The following ZPBP variants were observed in gnomAD, a reference collection of about 807,000 sequenced individuals.
The protein encoded by ZPBP is zona pellucida binding protein.
In ZPBP, 26 loss-of-function variants were observed where a neutral mutation model predicts 44.8. The ratio of observed to expected loss-of-function variants is 0.58; its 90% CI spans 0.43 to 0.81. The LOEUF is 0.81. ZPBP is among the 30% of genes least tolerant of loss of function. ZPBP has a pLI of 0.00. For missense variants in ZPBP, 409 were observed against 434.0 expected, an observed-to-expected ratio of 0.94 and a Z score of 0.51; for synonymous variants, 174 against 153.2, an observed-to-expected ratio of 1.14 and a Z score of -1.00.
intron 6 of ZPBP, among the ~76,000 whole-genome samples, chr7:49,987,936 T>C (rs1329822284): frequency 6.6e-6 from 1 of 152,204 alleles, no homozygotes; most frequent in East Asian, 1.9e-4. Flanking sequence ...AATGCAGATG[T>C]TGTCAAAATG....
intron 2 of ZPBP, among the ~76,000 whole-genome samples, chr7:49,881,807 T>C (rs1791676789): frequency 6.6e-6 from 1 of 152,090 alleles, no homozygotes; most frequent in Non-Finnish European, 1.5e-5. Context: ...TAATAATAAT[T>C]AAAATAATTC....
At chr7:49,920,925 T>C (rs1301380639) in intron 1 of ZPBP, 1 of 152,226 alleles carries the variant, frequency 6.6e-6, no homozygotes, top group African/African-American at 2.4e-5. Flanking sequence ...GTTGTACTTA[T>C]TACATTTATG....
chr7:49,899,193 A>G (rs923342928), intron 2 of ZPBP, among the ~76,000 whole-genome samples: 17 of 152,046 alleles, frequency 1.1e-4, no homozygotes, highest in Admixed American at 1.1e-3. Context: ...TGAACCCTAT[A>G]CATACTATGT....
At chr7:49,950,653 C>A (rs1054185425) in intron 7 of ZPBP, among the ~76,000 whole-genome samples, 2 of 151,362 alleles carry the variant, frequency 1.3e-5, no homozygotes, top group Non-Finnish European at 3.0e-5. Flanking sequence ...ATGGTATATA[C>A]CCCTACTTCA....
chr7:50,074,443 G>A (rs1253613125), intron 3 of ZPBP, among the ~76,000 whole-genome samples: 1 of 151,848 alleles, frequency 6.6e-6, no homozygotes, highest in East Asian at 1.9e-4. Context: ...AACATTAAGT[G>A]TAAATTGACT....
At chr7:49,875,385 A>AAAAAAAAAC (rs1791365246) in intron 2 of ZPBP, among the ~76,000 whole-genome samples, 2 of 149,684 alleles carry the variant, frequency 1.3e-5, no homozygotes, top group Non-Finnish European at 1.5e-5. Context: ...AAAAAAAAAA[A>AAAAAAAAAC]AAAAAAAAAA....
intron 1 of ZPBP, among the ~76,000 whole-genome samples, chr7:49,926,601 T>C (rs1794242982): frequency 6.6e-6 from 1 of 152,138 alleles, no homozygotes; most frequent in Non-Finnish European, 1.5e-5. Context: ...GGGTGGGCAG[T>C]GAATGAATCG....
chr7:49,864,507 T>A (rs987790837), intron 2 of ZPBP, among the ~76,000 whole-genome samples: 1 of 152,188 alleles, frequency 6.6e-6, no homozygotes, highest in African/African-American at 2.4e-5. Flanking sequence ...GGAAGCTCTT[T>A]CTGGGCTCTT....
chr7:50,039,777 T>C lies in ZPBP; in HGVS notation c.488-8467A>G, dbSNP rs184283381. 5.0e-3 allele frequency among the ~76,000 whole-genome samples: 768 copies of C among 152,244 alleles called. 3 individuals are homozygous for C. The highest frequency in any genetic ancestry group is 9.2e-3 in the Admixed American group (141 of 15,284). Reference sequence around the variant, plus strand: ...CTCAGCTTATTTGAAAGATACAAAATTACGTAAAATAATAACAAGGTATTG... The same window carrying C: ...CTCAGCTTATTTGAAAGATACAAAACTACGTAAAATAATAACAAGGTATTG... On this transcript the variant is annotated intron_variant, in intron 4 of 7. Coordinates refer to ENST00000046087, the MANE Select transcript of ZPBP (RefSeq NM_007009.3).
At chr7:49,937,652 T>G (rs1461026001) in intron 7 of ZPBP, 30 bp from the exon 8 acceptor site, 4 of 1,529,956 alleles carry the variant, frequency 2.6e-6, no homozygotes, top group Non-Finnish European at 3.6e-6. Context: ...TAATAAGTAG[T>G]ATTTTCCTAA....
At chr7:49,920,265 A>C (rs1793960970) in intron 1 of ZPBP, 1 of 152,198 alleles carries the variant, frequency 6.6e-6, no homozygotes, top group Non-Finnish European at 1.5e-5. Context: ...CTTAAGGAAA[A>C]AATGAAAATA....
intron 2 of ZPBP, chr7:49,901,110 G>C (rs567320313): frequency 6.6e-6 from 1 of 151,858 alleles, no homozygotes; most frequent in East Asian, 1.9e-4. Flanking sequence ...CTACAACATC[G>C]TACTTACTGT....
At chr7:49,983,205 C>G in intron 7 of ZPBP, 137 bp downstream of exon 7, 1 of 830,354 alleles carries the variant, frequency 1.2e-6, no homozygotes, top group Non-Finnish European at 1.8e-6. Context: ...ATTCACTTTT[C>G]AAATACACTA....
chr7:49,862,729 T>C (rs574296086), intron 2 of ZPBP, among the ~76,000 whole-genome samples: 1 of 152,184 alleles, frequency 6.6e-6, no homozygotes, highest in Non-Finnish European at 1.5e-5. Context: ...ACCATGAGTT[T>C]TTTTTTTTCA....
intron 6 of ZPBP, among the ~76,000 whole-genome samples, chr7:50,001,810 C>G (rs1798109433): frequency 6.6e-6 from 1 of 152,140 alleles, no homozygotes; most frequent in Admixed American, 6.6e-5. Flanking sequence ...GCCAACATGA[C>G]TATTGTTAGT....
intron 2 of ZPBP, among the ~76,000 whole-genome samples, chr7:49,893,282 G>A (rs1792222532): frequency 6.6e-6 from 1 of 152,124 alleles, no homozygotes; most frequent in South Asian, 2.1e-4. Context: ...TGTTCCCAGA[G>A]GGCTGGAAGG....
chr7:50,031,264 A>G lies in ZPBP; in HGVS notation c.534T>C (p.His178=), dbSNP rs942024743. 2 of 1,612,180 alleles carry G rather than the reference A, an allele frequency of 1.2e-6. No individual in the cohort carries two copies. The highest frequency in any genetic ancestry group is 1.7e-6 in the Non-Finnish European group (2 of 1,179,830). ...HYYYQFTARY[H]AAPCNSIYNI... The stretch of plus-strand genomic sequence containing the variant: ...TATAAATGCTATTGCAGGGAGCTGC[A>G]TGATATCGAGCTGTGAACTGATAAT... The change falls in exon 5 of 8, where the codon CAT becomes CAC. Residue 178 remains histidine, a synonymous_variant. Coordinates refer to ENST00000046087, the MANE Select transcript of ZPBP (RefSeq NM_007009.3).
chr7:49,864,319 G>T (rs1455096858), intron 2 of ZPBP, among the ~76,000 whole-genome samples: 1 of 152,180 alleles, frequency 6.6e-6, no homozygotes, highest in Non-Finnish European at 1.5e-5. Flanking sequence ...GAATTGTTCT[G>T]TGCTTGGACC....
At chr7:49,856,784 C>T (rs748687463) in intron 2 of ZPBP, among the ~76,000 whole-genome samples, 13 of 151,856 alleles carry the variant, frequency 8.6e-5, no homozygotes, top group Non-Finnish European at 1.5e-4. Context: ...CCGAGGTGGG[C>T]GGATCACGAG....
Sources: allele counts gnomAD v4.1 joint callset (sites outside exome capture counted in the v4.1 genomes callset), GRCh38; gene constraint gnomAD v4.1.1; transcripts MANE v1.5; gene names NCBI Gene and HGNC (gene_info 2026-07-23, HGNC 2026-07-21).